SLC24A2: variants seen among roughly 807,000 people sequenced by gnomAD.
SLC24A2 encodes solute carrier family 24 member 2, also known as sodium/potassium/calcium exchanger 2.
A neutral mutation model predicts 62.0 loss-of-function variants in SLC24A2; 36 were observed. The observed-to-expected ratio is 0.58, with a 90% confidence interval of 0.44 to 0.77. The LOEUF (loss-of-function observed/expected upper bound fraction) is 0.77. SLC24A2 is among the 30% of genes least tolerant of loss of function. The pLI is 0.00. For synonymous variants in SLC24A2, 358 were observed against 294.0 expected, an observed-to-expected ratio of 1.22 and a Z score of -2.23; for missense variants, 846 against 817.9, an observed-to-expected ratio of 1.03 and a Z score of -0.42.
At chr9:19,765,777 G>T (rs1290244965) in intron 2 of SLC24A2, among the ~76,000 whole-genome samples, 2 of 152,020 alleles carry the variant, frequency 1.3e-5, no homozygotes, top group African/African-American at 4.8e-5. Flanking sequence ...ATGTGTTTTG[G>T]GGTTGCTCTT....
rs113996351 is a variant in SLC24A2, at chr9:19,710,457, T to C, written c.930+75480A>G. On this transcript the variant is annotated intron_variant, in intron 2 of 10. Transcript: ENST00000341998. ...CTTCCTCACTGAAGTGACATCTACA[T>C]TGAGATATAATGGACCAGTAGGTCT... is the stretch of plus-strand genomic sequence containing the variant. Among the ~76,000 whole-genome samples, 748 of 152,060 alleles carry C rather than the reference T, an allele frequency of 4.9e-3. 5 individuals carry two copies. The highest frequency in any genetic ancestry group is 0.017 in the African/African-American group (699 of 41,476).
intron 4 of SLC24A2, among the ~76,000 whole-genome samples, chr9:19,611,464 G>A (rs932782551): frequency 6.6e-6 from 1 of 151,560 alleles, no homozygotes; most frequent in Non-Finnish European, 1.5e-5. Flanking sequence ...AGGATAGGAG[G>A]AAGAGAGGAG....
chr9:19,553,616 C>A (rs996061074), intron 7 of SLC24A2, among the ~76,000 whole-genome samples: 4 of 152,124 alleles, frequency 2.6e-5, no homozygotes, highest in African/African-American at 2.4e-5. Flanking sequence ...AGAGTCAGTG[C>A]AGCATGCTGG....
intron 2 of SLC24A2, among the ~76,000 whole-genome samples, chr9:19,699,364 C>G (rs1164375341): frequency 1.3e-5 from 2 of 152,152 alleles, no homozygotes; most frequent in African/African-American, 4.8e-5. Context: ...AATTGCCCCT[C>G]TCATCCACTG....
At chr9:20,273,789 C>T in the SLC24A2 span, among the ~76,000 whole-genome samples, 2 of 152,112 alleles carry the variant, frequency 1.3e-5, no homozygotes, top group Non-Finnish European at 2.9e-5. Context: ...TTAAACCTTA[C>T]CCCCATCTGT....
chr9:19,707,945 GGAAAAGAGGAAGTCA>G (rs1302139810), intron 2 of SLC24A2, among the ~76,000 whole-genome samples: 1 of 152,098 alleles, frequency 6.6e-6, no homozygotes, highest in African/African-American at 2.4e-5. Context: ...TATTCAATTA[GGAAAAGAGGAAGTCA>G]AATTGTCCCT....
the SLC24A2 span, among the ~76,000 whole-genome samples, chr9:20,250,285 T>G: frequency 6.6e-6 from 1 of 152,236 alleles, no homozygotes; most frequent in Non-Finnish European, 1.5e-5. Context: ...CCTGGCCCAC[T>G]GTTTCTCCAA....
At chr9:19,833,221 C>T in the SLC24A2 span, among the ~76,000 whole-genome samples, 1 of 152,124 alleles carries the variant, frequency 6.6e-6, no homozygotes, top group Non-Finnish European at 1.5e-5. Flanking sequence ...GAGTGCCAGA[C>T]ACTGGGTGCA....
the SLC24A2 span, among the ~76,000 whole-genome samples, chr9:20,175,249 C>T: frequency 5.3e-5 from 8 of 151,678 alleles, no homozygotes; most frequent in East Asian, 5.9e-4. Context: ...GGTGGGAAGG[C>T]GGTAGGGATA....
intron 8 of SLC24A2, among the ~76,000 whole-genome samples, chr9:19,529,925 T>C (rs1833620925): frequency 1.3e-5 from 2 of 151,880 alleles, no homozygotes; most frequent in South Asian, 4.2e-4. Flanking sequence ...AATTTTTTTG[T>C]ATTTTTTAGT....
chr9:20,192,603 C>A, the SLC24A2 span, among the ~76,000 whole-genome samples: 1 of 152,144 alleles, frequency 6.6e-6, no homozygotes, highest in African/African-American at 2.4e-5. Context: ...CTCCAGGTGG[C>A]ACTTAGTTCA....
At chr9:19,524,054 G>GA (rs1166572577) in intron 9 of SLC24A2, among the ~76,000 whole-genome samples, 1 of 129,636 alleles carries the variant, frequency 7.7e-6, no homozygotes, top group Non-Finnish European at 1.5e-5. Context: ...ACAGTACTCT[G>GA]AAAAATCAGG....
chr9:19,772,626 AG>A (rs1013324173), intron 2 of SLC24A2, among the ~76,000 whole-genome samples: 42 of 152,244 alleles, frequency 2.8e-4, no homozygotes, highest in Non-Finnish European at 4.4e-4. Context: ...ATCATTAATC[AG>A]GAAAATGCAA....
the SLC24A2 span, among the ~76,000 whole-genome samples, chr9:20,010,898 T>C: frequency 6.6e-6 from 1 of 151,964 alleles, no homozygotes; most frequent in Admixed American, 6.6e-5. Flanking sequence ...CTGAGAATGA[T>C]GGTTTCCAGC....
At chr9:19,868,263 A>G in the SLC24A2 span, among the ~76,000 whole-genome samples, 25 of 152,194 alleles carry the variant, frequency 1.6e-4, no homozygotes, top group African/African-American at 5.8e-4. Context: ...TCTTTGATCT[A>G]TTAGAGGCTT....
At chr9:20,020,210 C>A in the SLC24A2 span, among the ~76,000 whole-genome samples, 1 of 152,262 alleles carries the variant, frequency 6.6e-6, no homozygotes, top group Admixed American at 6.5e-5. Context: ...ACCCAGCCAT[C>A]CAATTACTGG....
chr9:19,640,633 C>G (rs1017650099), intron 2 of SLC24A2, among the ~76,000 whole-genome samples: 1 of 152,030 alleles, frequency 6.6e-6, no homozygotes, highest in Non-Finnish European at 1.5e-5. Flanking sequence ...AATATTAGTG[C>G]AAAATAAAAT....
chr9:20,025,114 C>T, the SLC24A2 span, among the ~76,000 whole-genome samples: 1 of 152,154 alleles, frequency 6.6e-6, no homozygotes, highest in African/African-American at 2.4e-5. Context: ...CAATACTTAA[C>T]CAAAGTTCAC....
chr9:20,224,818 CT>C, the SLC24A2 span, among the ~76,000 whole-genome samples: 1 of 152,070 alleles, frequency 6.6e-6, no homozygotes. Flanking sequence ...GGATTCACCC[CT>C]AACTGCTGTA....
Sources: gnomAD v4.1 joint callset for allele counts (sites outside exome capture counted in the v4.1 genomes callset) on GRCh38, gnomAD v4.1.1 for gene constraint, MANE v1.5 for transcripts, NCBI Gene and HGNC (gene_info 2026-07-23, HGNC 2026-07-21) for gene names.